FAM171A1: variants seen among roughly 807,000 people sequenced by gnomAD.
FAM171A1 encodes the protein family with sequence similarity 171 member A1.
FAM171A1 carries 23 observed loss-of-function variants against 74.9 expected under a neutral mutation model. The observed-to-expected ratio is 0.31, with a 90% confidence interval of 0.22 to 0.44. The LOEUF (loss-of-function observed/expected upper bound fraction) is 0.44. Among genes scored for constraint, FAM171A1 ranks in the 20% least tolerant of loss-of-function variants. The pLI is 1.00. For synonymous variants in FAM171A1, 527 were observed against 505.7 expected (o/e 1.04, Z -0.57); for missense variants, 1,162 against 1,159.2 (o/e 1.00, Z -0.03).
intron 2 of FAM171A1, 93 bp downstream of exon 2, chr10:15,283,785 A>C (rs1834999382): frequency 1.6e-6 from 2 of 1,255,620 alleles, no homozygotes; most frequent in South Asian, 2.6e-5. Context: ...CAGTCTCACT[A>C]TGTTGCCCAA....
At chr10:15,284,969 GAAGTC>G (rs1835018476) in intron 1 of FAM171A1, among the ~76,000 whole-genome samples, 2 of 150,352 alleles carry the variant, frequency 1.3e-5, no homozygotes, top group African/African-American at 2.4e-5. Context: ...AAAGACAGAT[GAAGTC>G]AAGTTAGGAA....
rs764489145 is a variant in FAM171A1 at position 15,284,014 on chromosome 10, T to A, written c.189A>T (p.Ile63=). Residue 63 remains isoleucine (I), a synonymous_variant, in exon 2 of 8, where the codon ATA becomes ATT. Coordinates refer to ENST00000378116, the MANE Select transcript of FAM171A1 (RefSeq NM_001010924.2). The part of the protein sequence containing the change: ...LIEIFTNQAS[I]ASGTSGTDGV... ...CATCAGTCCCCGAGGTGCCAGAGGCTATGGAGGCCTGGTTGGTGAAGATCT... is the reference window on the plus strand; with the variant it reads ...CATCAGTCCCCGAGGTGCCAGAGGCAATGGAGGCCTGGTTGGTGAAGATCT... 6.2e-7 allele frequency: 1 copy of A among 1,614,126 alleles called. No homozygotes were observed. Among genetic ancestry groups the A allele is most frequent in the South Asian group, 1.1e-5 (1 of 91,070 alleles).
At chr10:15,261,449 CTTTTCTTACATGT>C (rs1276166335) in intron 3 of FAM171A1, among the ~76,000 whole-genome samples, 3 of 152,208 alleles carry the variant, frequency 2.0e-5, no homozygotes, top group African/African-American at 7.2e-5. Flanking sequence ...CATCATCCTT[CTTTTCTTACATGT>C]TTAACTCCCT....
rs551413291 is a variant in FAM171A1 at position 15,297,605 on chromosome 10, A to G, written c.98-13500T>C. ...GTTGCCAAGAATGGTGAAATATACA[A>G]TAACAAATATTCATAGAAGTTCAGC... On this transcript the variant is annotated intron_variant, in intron 1 of 7. Transcript: ENST00000378116. 5.3e-5 allele frequency among the ~76,000 whole-genome samples: 8 copies of G among 152,352 alleles called. No individual in the cohort carries two copies. The South Asian group carries it at 1.4e-3, about 28-fold the overall frequency.
At chr10:15,351,008 C>G (rs1031757584) in intron 1 of FAM171A1, among the ~76,000 whole-genome samples, 2 of 152,104 alleles carry the variant, frequency 1.3e-5, no homozygotes, top group African/African-American at 4.8e-5. Flanking sequence ...CCCTGGGAAG[C>G]CCCCCTTGAA....
chr10:15,320,216 G>T (rs368976663), intron 1 of FAM171A1, among the ~76,000 whole-genome samples: 10 of 152,154 alleles, frequency 6.6e-5, no homozygotes, highest in Non-Finnish European at 1.3e-4. Context: ...AAGTGAGAAC[G>T]TGGTATTCAG....
intron 1 of FAM171A1, among the ~76,000 whole-genome samples, chr10:15,359,463 C>T (rs1262446798): frequency 1.3e-5 from 2 of 152,156 alleles, no homozygotes; most frequent in Non-Finnish European, 2.9e-5. Flanking sequence ...TCCTTCTCAA[C>T]ATCCTCAAGG....
intron 1 of FAM171A1, among the ~76,000 whole-genome samples, chr10:15,330,068 G>T (rs1478977675): frequency 6.6e-6 from 1 of 152,138 alleles, no homozygotes; most frequent in African/African-American, 2.4e-5. Flanking sequence ...AGGGCTGGGC[G>T]TGGTGGCTCA....
At chr10:15,313,278 G>T (rs1295852776) in intron 1 of FAM171A1, among the ~76,000 whole-genome samples, 2 of 152,216 alleles carry the variant, frequency 1.3e-5, no homozygotes, top group African/African-American at 4.8e-5. Context: ...CTCCAGCACT[G>T]GTGGCTGAAA....
At chr10:15,258,531 T>A (rs1834612647) in intron 3 of FAM171A1, among the ~76,000 whole-genome samples, 1 of 152,154 alleles carries the variant, frequency 6.6e-6, no homozygotes, top group Non-Finnish European at 1.5e-5. Context: ...TCTAGAACAA[T>A]AACAAGCAAA....
chr10:15,238,770 C>T (rs1316412234), intron 5 of FAM171A1, among the ~76,000 whole-genome samples: 1 of 152,170 alleles, frequency 6.6e-6, no homozygotes, highest in Non-Finnish European at 1.5e-5. Flanking sequence ...GTTCAGTAAC[C>T]ACCATTTCTA....
At chr10:15,344,831 A>C (rs1835801294) in intron 1 of FAM171A1, among the ~76,000 whole-genome samples, 2 of 152,156 alleles carry the variant, frequency 1.3e-5, no homozygotes, top group African/African-American at 2.4e-5. Flanking sequence ...TGCGAATCTC[A>C]TGTTTGTTTC....
At chr10:15,319,006 G>C (rs767041116) in intron 1 of FAM171A1, among the ~76,000 whole-genome samples, 5 of 152,212 alleles carry the variant, frequency 3.3e-5, no homozygotes, top group Non-Finnish European at 5.9e-5. Flanking sequence ...AAAGTCACCA[G>C]TGTGACATCC....
At position 15,340,604 on chromosome 10, in the gene FAM171A1, G is replaced by C. The variant is rs1285218449; in HGVS notation, c.97+30352C>G. 2.0e-5 allele frequency among the ~76,000 whole-genome samples: 3 copies of C among 152,118 alleles called. No individual in the cohort carries two copies. In the East Asian group the frequency reaches 5.8e-4, roughly 29 times the overall value. On this transcript the variant is annotated intron_variant, in intron 1 of 7. Coordinates refer to ENST00000378116, the MANE Select transcript of FAM171A1 (RefSeq NM_001010924.2). The stretch of plus-strand genomic sequence containing the variant: ...TGACACCTTCACGCACTGTGAGCTG[G>C]CATCCTGTTAGGAGGAAGGTGGCTA...
chr10:15,275,158 G>A (rs1266345558), intron 3 of FAM171A1, among the ~76,000 whole-genome samples: 3 of 152,126 alleles, frequency 2.0e-5, no homozygotes, highest in African/African-American at 4.8e-5. Flanking sequence ...TGTAAATGAC[G>A]AGTTAATGGG....
chr10:15,221,198 CATCTAGGG>C (rs1834035333), intron 5 of FAM171A1, 138 bp from the exon 6 acceptor site: 2 of 606,802 alleles, frequency 3.3e-6, no homozygotes, highest in Non-Finnish European at 2.6e-6. Flanking sequence ...GCCAAAGTGT[CATCTAGGG>C]ACCCCAGGCA....
rs923703512 is a variant in FAM171A1, at chr10:15,371,094, G to A, written c.-42C>T. Reference sequence around the variant, plus strand: ...GCGGCGGCTCGGGCTCGCCGAGAGCGGGCCGGGCGGCGGCGCGTCACGGGC... The same window carrying A: ...GCGGCGGCTCGGGCTCGCCGAGAGCAGGCCGGGCGGCGGCGCGTCACGGGC... On this transcript the variant is annotated 5_prime_UTR_variant, in exon 1 of 8. Transcript: ENST00000378116. 5.8e-5 allele frequency: 53 copies of A among 920,498 alleles called. No individual in the cohort carries two copies. In the African/African-American group the frequency reaches 8.2e-4, roughly 14 times the overall value. The allele number at this position is 920,498 out of a possible 1,614,324, so 57.0% of individuals were successfully genotyped here. A position where few individuals can be genotyped will look rare whatever the true frequency, so the allele number is the denominator to read the frequency against.
chr10:15,257,361 C>T (rs544091639), intron 3 of FAM171A1, among the ~76,000 whole-genome samples: 2 of 152,120 alleles, frequency 1.3e-5, no homozygotes, highest in Non-Finnish European at 2.9e-5. Context: ...GCCCAGGATA[C>T]GCAGCCTAGC....
intron 1 of FAM171A1, among the ~76,000 whole-genome samples, chr10:15,300,564 T>A (rs1454098621): frequency 6.6e-6 from 1 of 151,802 alleles, no homozygotes; most frequent in African/African-American, 2.4e-5. Flanking sequence ...AAAGCACCCT[T>A]TCCCCCTAAA....
Sources: allele counts gnomAD v4.1 joint callset (sites outside exome capture counted in the v4.1 genomes callset), GRCh38; gene constraint gnomAD v4.1.1; transcripts MANE v1.5; gene names NCBI Gene and HGNC (gene_info 2026-07-23, HGNC 2026-07-21).